The following GGA3 variants were observed in gnomAD, a reference collection of about 807,000 sequenced individuals.
GGA3 encodes the protein golgi associated, gamma adaptin ear containing, ARF binding protein 3, also known as ADP-ribosylation factor-binding protein GGA3.
Under a neutral mutation model 77.5 loss-of-function variants are expected in GGA3, and 57 were observed. That is an observed-to-expected ratio of 0.74 (90% CI 0.59 to 0.92). The LOEUF is 0.92. Ranked by LOEUF, GGA3 falls within the 40% of genes least tolerant of loss-of-function variation. GGA3 has a pLI of 0.00. For missense variants in GGA3, 970 were observed against 914.9 expected (o/e 1.06, Z -0.78); for synonymous variants, 416 against 383.7 (o/e 1.08, Z -0.98).
At chr17:75,246,824 G>A (rs1386461424) in intron 1 of GGA3, 28 bp from the exon 2 acceptor site, 3 of 1,566,628 alleles carry the variant, frequency 1.9e-6, no homozygotes, top group Admixed American at 1.7e-5. Flanking sequence ...AAGAGGACAA[G>A]TGTTAGGAAG....
In GGA3 at chr17:75,243,515, T is replaced by A. The variant is rs1341785425; in HGVS notation, c.356A>T (p.Tyr119Phe). The change falls in exon 5 of 17, where the codon TAC becomes TTC. Residue 119 changes from tyrosine to phenylalanine, a missense_variant. By Grantham distance (22) the Tyr-to-Phe change is conservative. Coordinates refer to ENST00000537686, the MANE Select transcript of GGA3 (RefSeq NM_138619.4). ...TTCTGGCAGGGCCATGGTCCAGCTG[T>A]ACAGCAGCTCAATAACCTTGGTCTT... is the stretch of plus-strand genomic sequence containing the variant. The part of the protein sequence containing the change: ...KVKTKVIELL[Y>F]SWTMALPEEA... 3.7e-6 allele frequency: 6 copies of A among 1,613,956 alleles called. No individual in the cohort carries two copies. The highest frequency in any genetic ancestry group is 1.6e-4 in the Middle Eastern group (1 of 6,062).
intron 8 of GGA3, chr17:75,242,105 A>C: frequency 1.7e-6 from 1 of 595,374 alleles, no homozygotes; most frequent in Non-Finnish European, 3.0e-6. Context: ...CTGGAGTCAG[A>C]CTCAGGTTTC....
At position 75,237,961 on chromosome 17, in the gene GGA3, T is replaced by C. The variant is rs1277606644; in HGVS notation, c.*318A>G. On this transcript the variant is annotated 3_prime_UTR_variant, in exon 17 of 17. Coordinates refer to ENST00000537686, the MANE Select transcript of GGA3 (RefSeq NM_138619.4). ...CCCCAGTGGCTTCAGTGAATGCCAG[T>C]AGAAGGAAGCAAACACCTACGCCAA... 4 of 1,086,406 alleles carry C rather than the reference T, an allele frequency of 3.7e-6. No individual in the cohort carries two copies. The highest frequency in any genetic ancestry group is 6.0e-5 in the Admixed American group (1 of 16,780). The allele number at this position is 1,086,406 out of a possible 1,614,324, so 67.3% of individuals were successfully genotyped here. A position where few individuals can be genotyped will look rare whatever the true frequency, so the allele number is the denominator to read the frequency against.
At chr17:75,248,892 G>C in intron 1 of GGA3, 1 of 985,178 alleles carries the variant, frequency 1.0e-6, no homozygotes, top group Non-Finnish European at 1.2e-6. Flanking sequence ...CTGGCAACAG[G>C]GCTGCAGGGA....
At chr17:75,246,648 G>A (rs1342460012) in intron 2 of GGA3, 64 bp from the exon 3 acceptor site, 14 of 1,591,716 alleles carry the variant, frequency 8.8e-6, no homozygotes, top group Non-Finnish European at 1.1e-5. Context: ...GGCCCTCCTT[G>A]GCCATGGTTG....
In GGA3 at chr17:75,261,156, G is replaced by T. The variant is rs75682536; in HGVS notation, c.40+392C>A. Among the ~76,000 whole-genome samples, 70 of 152,392 alleles carry T rather than the reference G, an allele frequency of 4.6e-4. 1 individual carries two copies. In the East Asian group the frequency reaches 0.011, roughly 24 times the overall value. On this transcript the variant is annotated intron_variant, in intron 1 of 16. Transcript: ENST00000537686. Reference sequence around the variant, plus strand: ...ACCGGAGACTCAGCCCCAATCCGAAGCTTCTCCCTTAGTCAGGGATTGGGG... The same window carrying T: ...ACCGGAGACTCAGCCCCAATCCGAATCTTCTCCCTTAGTCAGGGATTGGGG...
chr17:75,239,105 G>A, intron 14 of GGA3, 22 bp from the exon 15 acceptor site: 2 of 1,606,888 alleles, frequency 1.2e-6, no homozygotes, highest in Non-Finnish European at 1.7e-6. Flanking sequence ...TGACGTGAGT[G>A]TGGGAGGAGC....
intron 3 of GGA3, among the ~76,000 whole-genome samples, chr17:75,245,361 T>C (rs937821557): frequency 2.0e-5 from 3 of 152,136 alleles, no homozygotes; most frequent in African/African-American, 7.2e-5. Flanking sequence ...TTCTTCGTTG[T>C]GGGGGGCCAC....
Position 75,237,691 on chromosome 17 carries a change from A to T in GGA3, c.*588T>A. The T allele has an allele frequency of 1.4e-6, 2 of 1,462,702 alleles. No individual in the cohort carries two copies. The highest frequency in any genetic ancestry group is 1.8e-6 in the Non-Finnish European group (2 of 1,108,294). The allele number at this position is 1,462,702 out of a possible 1,614,324, so 90.6% of individuals were successfully genotyped here. ...CTCATCACTCCGTGGCCATTCCAGGACGATGCTGTCCACCAGAGGCAGGGC... is the reference window on the plus strand; with the variant it reads ...CTCATCACTCCGTGGCCATTCCAGGTCGATGCTGTCCACCAGAGGCAGGGC... On this transcript the variant is annotated 3_prime_UTR_variant, in exon 17 of 17. Transcript: ENST00000537686.
chr17:75,239,309 G>A (rs73998420), intron 14 of GGA3, 66 bp downstream of exon 14: 93 of 1,345,102 alleles, frequency 6.9e-5, no homozygotes, highest in East Asian at 1.2e-4. Flanking sequence ...CATCCCTGTC[G>A]CATGTCCTAC....
intron 1 of GGA3, among the ~76,000 whole-genome samples, chr17:75,250,642 A>G (rs1410583572): frequency 6.6e-6 from 1 of 151,968 alleles, no homozygotes; most frequent in Non-Finnish European, 1.5e-5. Context: ...ACACACCTGT[A>G]ATCTCAGCTA....
At chr17:75,260,224 T>C (rs3760204) in intron 1 of GGA3, among the ~76,000 whole-genome samples, 115,504 of 152,174 alleles carry the variant, frequency 0.76, 48,266 homozygotes, top group East Asian at 0.92. Flanking sequence ...TTTAAATTAT[T>C]CAATACCCAT....
rs778430638 is a variant in GGA3, at chr17:75,244,572, G to A, written c.300+47C>T. 5 of 1,134,242 alleles carry A rather than the reference G, an allele frequency of 4.4e-6. No homozygotes were observed. In the East Asian group the frequency reaches 7.0e-5, roughly 16 times the overall value. 70.3% of individuals were successfully genotyped at this position (1,134,242 alleles called of 1,614,324 possible). On this transcript the variant is annotated intron_variant, in intron 4 of 16. Coordinates refer to ENST00000537686, the MANE Select transcript of GGA3 (RefSeq NM_138619.4). Reference sequence around the variant, plus strand: ...AGCCAGTATGATGGGAGATGGGAATGAACACAAAAGAAGTCCCTAAAAGCG... The same window carrying A: ...AGCCAGTATGATGGGAGATGGGAATAAACACAAAAGAAGTCCCTAAAAGCG...
intron 1 of GGA3, 24 bp downstream of exon 1, chr17:75,261,524 G>A: frequency 6.6e-7 from 1 of 1,507,444 alleles, no homozygotes; most frequent in Non-Finnish European, 8.9e-7. Context: ...TCGAGGGCAG[G>A]CAGAAACGGC....
chr17:75,261,895 G>C, upstream of GGA3: 2 of 1,607,886 alleles, frequency 1.2e-6, no homozygotes, highest in Non-Finnish European at 1.7e-6. Context: ...CTCGTGGCCA[G>C]CCAAGATGGC....
rs1475301212 is a variant in GGA3, at chr17:75,239,898, A to C, written c.1474T>G (p.Leu492Val). 1 of 1,613,434 alleles carries C rather than the reference A, an allele frequency of 6.2e-7. No homozygotes were observed. Among genetic ancestry groups the C allele is most frequent in the African/African-American group, 1.3e-5 (1 of 74,920 alleles). The change falls in exon 13 of 17, where the codon TTG becomes GTG. Residue 492 changes from leucine (L) to valine (V), a missense_variant. Leu to Val is a conservative substitution (Grantham distance 32). Coordinates refer to ENST00000537686, the MANE Select transcript of GGA3 (RefSeq NM_138619.4). Reference sequence around the variant, plus strand: ...ACTGCGGGCTCAACTTTTGGGGCCAAGGCTGGGGCCACTCCAGTAGAAAAC... The same window carrying C: ...ACTGCGGGCTCAACTTTTGGGGCCACGGCTGGGGCCACTCCAGTAGAAAAC... The part of the protein sequence containing the change: ...SLFSTGVAPA[L>V]APKVEPAVPG...
upstream of GGA3, chr17:75,261,721 G>A (rs1442897936): frequency 3.6e-6 from 4 of 1,125,980 alleles, no homozygotes; most frequent in Admixed American, 2.7e-5. Context: ...GACGGATACA[G>A]GGAGGGCAAG....
At chr17:75,254,108 G>A (rs1004496357) in intron 1 of GGA3, among the ~76,000 whole-genome samples, 4 of 151,998 alleles carry the variant, frequency 2.6e-5, no homozygotes, top group East Asian at 1.9e-4. Context: ...TTCCCAATGC[G>A]ATTCCTCCCA....
chr17:75,251,722 A>C (rs1405008656), intron 1 of GGA3, among the ~76,000 whole-genome samples: 2 of 151,124 alleles, frequency 1.3e-5, no homozygotes, highest in African/African-American at 2.4e-5. Context: ...AAAAAAAAAA[A>C]AAAAAAGCAT....
Sources: allele counts gnomAD v4.1 joint callset (sites outside exome capture counted in the v4.1 genomes callset), GRCh38; gene constraint gnomAD v4.1.1; transcripts MANE v1.5; gene names NCBI Gene and HGNC (gene_info 2026-07-23, HGNC 2026-07-21).